PTPRG: variants seen among roughly 807,000 people sequenced by gnomAD.
PTPRG encodes receptor-type tyrosine-protein phosphatase gamma.
Under a neutral mutation model 165.3 loss-of-function variants are expected in PTPRG, and 102 were observed. That is an observed-to-expected ratio of 0.62 (90% CI 0.53 to 0.73). PTPRG has a LOEUF of 0.73. PTPRG is among the 30% of genes least tolerant of loss of function. The probability of loss-of-function intolerance (pLI) is 0.00; values close to 1 mark genes in which losing one functional copy is unlikely to be tolerated. For missense variants in PTPRG, 1,866 were observed against 1,861.4 expected, an observed-to-expected ratio of 1.00 and a Z score of -0.05; for synonymous variants, 675 against 669.5, an observed-to-expected ratio of 1.01 and a Z score of -0.13.
chr3:62,163,777 A>G (rs1157690341), intron 7 of PTPRG, among the ~76,000 whole-genome samples: 9 of 152,234 alleles, frequency 5.9e-5, no homozygotes, highest in Non-Finnish European at 1.3e-4. Context: ...TAGTTACAAA[A>G]ACCACAGGAA....
intron 2 of PTPRG, among the ~76,000 whole-genome samples, chr3:61,822,115 G>A (rs2035974212): frequency 6.6e-6 from 1 of 152,194 alleles, no homozygotes; most frequent in South Asian, 2.1e-4. Flanking sequence ...TTCTGACCTG[G>A]AAGTATTATG....
At chr3:62,154,336 A>G (rs138157837) in intron 6 of PTPRG, among the ~76,000 whole-genome samples, 192 of 152,188 alleles carry the variant, frequency 1.3e-3, no homozygotes, top group African/African-American at 4.4e-3. Context: ...TGTCCCTTGT[A>G]CTGGGTCTAC....
chr3:62,259,584 G>A (rs1701632668), intron 16 of PTPRG, among the ~76,000 whole-genome samples: 1 of 152,132 alleles, frequency 6.6e-6, no homozygotes, highest in Non-Finnish European at 1.5e-5. Flanking sequence ...AATATCTTAA[G>A]AAAAACGTTT....
At chr3:61,766,864 C>A (rs1338717214) in intron 2 of PTPRG, among the ~76,000 whole-genome samples, 1 of 151,888 alleles carries the variant, frequency 6.6e-6, no homozygotes, top group Non-Finnish European at 1.5e-5. Context: ...AAATGATCTG[C>A]ACACCTTGGC....
At chr3:62,084,424 C>G (rs1000759166) in intron 5 of PTPRG, among the ~76,000 whole-genome samples, 1 of 152,112 alleles carries the variant, frequency 6.6e-6, no homozygotes. Context: ...TGGTTTTTCC[C>G]TCAGGTCTGT....
chr3:62,038,183 A>G (rs530385439), intron 4 of PTPRG, among the ~76,000 whole-genome samples: 2 of 152,166 alleles, frequency 1.3e-5, no homozygotes, highest in Non-Finnish European at 2.9e-5. Flanking sequence ...ATTAAATGAA[A>G]TGATTGATCC....
intron 1 of PTPRG, among the ~76,000 whole-genome samples, chr3:61,734,709 T>A (rs992986927): frequency 6.6e-6 from 1 of 152,176 alleles, no homozygotes; most frequent in Non-Finnish European, 1.5e-5. Context: ...AGTGTATTTA[T>A]TAAAAATAAA....
intron 4 of PTPRG, among the ~76,000 whole-genome samples, chr3:62,011,131 C>T (rs542355991): frequency 6.6e-6 from 1 of 152,188 alleles, no homozygotes; most frequent in Non-Finnish European, 1.5e-5. Context: ...TGGCTCCACC[C>T]CATCCTTCCA....
chr3:61,813,245 C>T (rs573815959), intron 2 of PTPRG, among the ~76,000 whole-genome samples: 4 of 148,268 alleles, frequency 2.7e-5, no homozygotes, highest in Non-Finnish European at 5.9e-5. Context: ...CCTGTAATAT[C>T]AGCACTTTGG....
At chr3:61,902,559 A>G (rs1310229126) in intron 2 of PTPRG, among the ~76,000 whole-genome samples, 1 of 152,176 alleles carries the variant, frequency 6.6e-6, no homozygotes, top group African/African-American at 2.4e-5. Flanking sequence ...TACCATCAAT[A>G]ATAGTATCTG....
intron 2 of PTPRG, among the ~76,000 whole-genome samples, chr3:61,798,951 A>T (rs1360486483): frequency 6.6e-6 from 1 of 152,098 alleles, no homozygotes; most frequent in Non-Finnish European, 1.5e-5. Context: ...TCTCGTCATT[A>T]CTAGAACCTG....
In PTPRG at chr3:61,749,677, T is replaced by G. The variant is rs998673772; in HGVS notation, c.190+695T>G. The G allele has an allele frequency of 9.1e-5, 14 of 153,940 alleles. No individual in the cohort carries two copies. The East Asian group carries it at 2.7e-3, about 30-fold the overall frequency. 9.5% of individuals were successfully genotyped at this position (153,940 alleles called of 1,614,324 possible). On this transcript the variant is annotated intron_variant, in intron 2 of 29. Coordinates refer to ENST00000474889, the MANE Select transcript of PTPRG (RefSeq NM_002841.4). The stretch of plus-strand genomic sequence containing the variant: ...CCAAAATATGAGAGGTGGATTGTTA[T>G]TTCTAGAAGAGATTTTTGATGCTCA...
At chr3:62,220,244 A>G (rs779517592) in intron 13 of PTPRG, among the ~76,000 whole-genome samples, 5 of 152,244 alleles carry the variant, frequency 3.3e-5, no homozygotes, top group African/African-American at 7.2e-5. Flanking sequence ...CTTGTGGGCC[A>G]TTGTTAATGC....
At chr3:61,631,156 G>A (rs1169992958) in intron 1 of PTPRG, among the ~76,000 whole-genome samples, 1 of 152,018 alleles carries the variant, frequency 6.6e-6, no homozygotes, top group East Asian at 1.9e-4. Flanking sequence ...CAGAAGTGAG[G>A]AAGCAGAGCT....
chr3:61,906,672 C>G (rs112956898), intron 2 of PTPRG, among the ~76,000 whole-genome samples: 3 of 152,158 alleles, frequency 2.0e-5, no homozygotes, highest in Admixed American at 6.5e-5. Flanking sequence ...CCCAGCTCCT[C>G]TAGATGTTGA....
At chr3:61,893,633 T>C (rs1354627847) in intron 2 of PTPRG, among the ~76,000 whole-genome samples, 1 of 152,242 alleles carries the variant, frequency 6.6e-6, no homozygotes, top group Non-Finnish European at 1.5e-5. Context: ...TAATGAGGTA[T>C]GTTTTGGAGT....
At chr3:62,189,168 A>G (rs1381812071) in intron 8 of PTPRG, among the ~76,000 whole-genome samples, 1 of 152,000 alleles carries the variant, frequency 6.6e-6, no homozygotes, top group Non-Finnish European at 1.5e-5. Flanking sequence ...GGCAGTGGGA[A>G]TGACCCACTA....
chr3:62,232,863 T>A (rs2106926276), intron 14 of PTPRG, among the ~76,000 whole-genome samples: 1 of 152,324 alleles, frequency 6.6e-6, no homozygotes, highest in South Asian at 2.1e-4. Context: ...ATTTACTTTT[T>A]TAAATAGTGT....
chr3:61,829,312 A>C (rs569828057), intron 2 of PTPRG, among the ~76,000 whole-genome samples: 1 of 152,270 alleles, frequency 6.6e-6, no homozygotes, highest in Admixed American at 6.5e-5. Context: ...TTGTAGTTCA[A>C]TAATGACCGT....
Sources: allele counts gnomAD v4.1 joint callset (sites outside exome capture counted in the v4.1 genomes callset), GRCh38; gene constraint gnomAD v4.1.1; transcripts MANE v1.5; gene names NCBI Gene and HGNC (gene_info 2026-07-23, HGNC 2026-07-21).